The following ZNF729 variants were observed in gnomAD, a reference collection of about 807,000 sequenced individuals.
ZNF729 encodes zinc finger protein 729.
ZNF729 carries 15 observed loss-of-function variants against 12.2 expected under a neutral mutation model. That is an observed-to-expected ratio of 1.23 (90% CI 0.82 to 1.89). The LOEUF is 1.89. Ranked by LOEUF, ZNF729 falls within the 40% of genes most tolerant of loss-of-function variation. The pLI is 0.00. For missense variants in ZNF729, 1,540 were observed against 1,456.7 expected, an observed-to-expected ratio of 1.06 and a Z score of -0.93; for synonymous variants, 492 against 476.3, an observed-to-expected ratio of 1.03 and a Z score of -0.43.
chr19:22,314,626 C>A lies in ZNF729; in HGVS notation c.1209C>A (p.Pro403=), dbSNP rs1317477809. 4 of 1,611,542 alleles carry A rather than the reference C, an allele frequency of 2.5e-6. No individual in the cohort carries two copies. The African/African-American group carries it at 4.0e-5, about 16-fold the overall frequency. Residue 403 remains proline, a synonymous_variant, in exon 4 of 4, where the codon CCC becomes CCA. Transcript: ENST00000601693. ...VHKVVHTGEK[P]YKCEECGKAF... ...AGGTAGTTCATACTGGAGAGAAACC[C>A]TACAAATGTGAAGAATGTGGCAAAG...
At chr19:22,310,870 C>T (rs1043069108) in intron 3 of ZNF729, among the ~76,000 whole-genome samples, 7 of 152,060 alleles carry the variant, frequency 4.6e-5, no homozygotes, top group African/African-American at 1.7e-4. Context: ...AGTCTCGCTG[C>T]TTGTTATTGG....
chr19:22,287,931 C>T (rs113577877), intron 1 of ZNF729, among the ~76,000 whole-genome samples: 3,299 of 151,586 alleles, frequency 0.022, 106 homozygotes, highest in African/African-American at 0.076. Flanking sequence ...CCACAACCTC[C>T]GCCTTCCGGG....
intron 3 of ZNF729, among the ~76,000 whole-genome samples, chr19:22,306,006 G>T (rs1968373234): frequency 6.6e-6 from 1 of 151,892 alleles, no homozygotes; most frequent in African/African-American, 2.4e-5. Flanking sequence ...TTTAGAGACA[G>T]GGTTTTGCCT....
At position 22,316,884 on chromosome 19, in the gene ZNF729, T is replaced by G. The variant is rs765741072; in HGVS notation, c.3467T>G (p.Val1156Gly). 55 of 1,609,584 alleles carry G rather than the reference T, an allele frequency of 3.4e-5. No individual in the cohort carries two copies. Among genetic ancestry groups the G allele is most frequent in the Non-Finnish European group, 4.6e-5 (54 of 1,179,072 alleles). The change falls in exon 4 of 4, where the codon GTA becomes GGA. Residue 1156 changes from valine to glycine, a missense_variant. Physicochemically the swap from Val to Gly is moderately radical, Grantham distance 109. Coordinates refer to ENST00000601693, the MANE Select transcript of ZNF729 (RefSeq NM_001242680.2). ...ILTKHKIIHSVEKPYKCEECG... is the reference protein window; with the variant it reads ...ILTKHKIIHSGEKPYKCEECG... Reference sequence around the variant, plus strand: ...ACTAAACATAAGATAATTCATTCTGTAGAGAAACCCTACAAATGTGAAGAA... The same window carrying G: ...ACTAAACATAAGATAATTCATTCTGGAGAGAAACCCTACAAATGTGAAGAA...
At chr19:22,297,299 T>C (rs199626659) in intron 1 of ZNF729, among the ~76,000 whole-genome samples, 3,308 of 146,972 alleles carry the variant, frequency 0.023, 109 homozygotes, top group African/African-American at 0.077. Context: ...TTTTTTTTTT[T>C]CCCATAAGCA....
At chr19:22,302,267 T>C (rs916415479) in intron 1 of ZNF729, among the ~76,000 whole-genome samples, 35 of 152,402 alleles carry the variant, frequency 2.3e-4, no homozygotes, top group African/African-American at 6.0e-4. Flanking sequence ...ATTAAAAAAA[T>C]AGATGAGGGA....
At chr19:22,306,437 CAAA>C (rs199851275) in intron 3 of ZNF729, among the ~76,000 whole-genome samples, 1 of 114,046 alleles carries the variant, frequency 8.8e-6, no homozygotes. Flanking sequence ...GACTCCATCT[CAAA>C]AAAAAAAAAA....
intron 1 of ZNF729, among the ~76,000 whole-genome samples, chr19:22,286,973 T>C (rs117981838): frequency 0.045 from 6,923 of 152,316 alleles, 197 homozygotes; most frequent in Admixed American, 0.082. Flanking sequence ...ACCACTAAAG[T>C]AATAAATAAT....
chr19:22,287,427 G>C (rs1368805348), intron 1 of ZNF729, among the ~76,000 whole-genome samples: 1 of 151,150 alleles, frequency 6.6e-6, no homozygotes, highest in Non-Finnish European at 1.5e-5. Context: ...CCACCACGCC[G>C]GGCTAATTTT....
rs1234992629 is a variant in ZNF729, at chr19:22,314,580, C to T, written c.1163C>T (p.Ser388Phe). Residue 388 changes from serine to phenylalanine, a missense_variant, in exon 4 of 4, where the codon TCT (serine) becomes TTT (phenylalanine). Transcript: ENST00000601693. ...CEECGKAFKW[S>F]SKLTVHKVVH... ...GAATGTGGTAAAGCTTTTAAGTGGT[C>T]TTCAAAACTTACTGTACATAAGGTA... 6.2e-7 allele frequency: 1 copy of T among 1,610,386 alleles called. No individual in the cohort carries two copies. The highest frequency in any genetic ancestry group is 8.5e-7 in the Non-Finnish European group (1 of 1,179,602).
chr19:22,310,851 T>TA (rs1336385274), intron 3 of ZNF729, among the ~76,000 whole-genome samples: 4 of 152,156 alleles, frequency 2.6e-5, no homozygotes, highest in African/African-American at 4.8e-5. Flanking sequence ...ATTTTAAAAT[T>TA]ACCATTTCAG....
At chr19:22,298,778 T>C (rs1968265632) in intron 1 of ZNF729, among the ~76,000 whole-genome samples, 1 of 152,188 alleles carries the variant, frequency 6.6e-6, no homozygotes, top group African/African-American at 2.4e-5. Flanking sequence ...CCTTCCAAAG[T>C]GCTGGGATTA....
intron 1 of ZNF729, among the ~76,000 whole-genome samples, chr19:22,298,020 A>G (rs536203988): frequency 6.6e-6 from 1 of 150,614 alleles, no homozygotes; most frequent in South Asian, 2.1e-4. Flanking sequence ...AAAAAAAAAA[A>G]AAAAAAACAC....
chr19:22,316,845 A>C lies in ZNF729; in HGVS notation c.3428A>C (p.Gln1143Pro), dbSNP rs752220804. 8 of 1,613,080 alleles carry C rather than the reference A, an allele frequency of 5.0e-6. No individual in the cohort carries two copies. The highest frequency in any genetic ancestry group is 1.3e-5 in the African/African-American group (1 of 75,036). The change falls in exon 4 of 4, where the codon CAG becomes CCG. Residue 1143 changes from glutamine to proline, a missense_variant. Coordinates refer to ENST00000601693, the MANE Select transcript of ZNF729 (RefSeq NM_001242680.2). ...GAAGAATGTGGCAAAGCCTTTAGTC[A>C]GTCCTCAATCCTTACTAAACATAAG... ...KCEECGKAFS[Q>P]SSILTKHKII...
At chr19:22,304,323 G>T (rs1255908167) in intron 2 of ZNF729, among the ~76,000 whole-genome samples, 1 of 152,150 alleles carries the variant, frequency 6.6e-6, no homozygotes, top group Non-Finnish European at 1.5e-5. Context: ...ACAGGCGTGA[G>T]CCACCGTGCC....
chr19:22,303,659 C>A, intron 1 of ZNF729, 99 bp from the exon 2 acceptor site: 1 of 1,181,578 alleles, frequency 8.5e-7, no homozygotes. Context: ...AAGTTAGAAT[C>A]TGTTCTCTTT....
At chr19:22,305,666 A>G (rs1390743713) in intron 3 of ZNF729, among the ~76,000 whole-genome samples, 1 of 152,148 alleles carries the variant, frequency 6.6e-6, no homozygotes, top group African/African-American at 2.4e-5. Flanking sequence ...TGTGGCTACT[A>G]TTTGCATGAA....
rs552685167 is a variant in ZNF729 at position 22,300,420 on chromosome 19, T to G, written c.31-3338T>G. On this transcript the variant is annotated intron_variant, in intron 1 of 3. Coordinates refer to ENST00000601693, the MANE Select transcript of ZNF729 (RefSeq NM_001242680.2). Reference sequence around the variant, plus strand: ...TTCTATTGTGGAGTTTCTCTGGGGCTGAAGAAAATTTATCTTTTAATTATG... The same window carrying G: ...TTCTATTGTGGAGTTTCTCTGGGGCGGAAGAAAATTTATCTTTTAATTATG... Among the ~76,000 whole-genome samples, 3 of 152,326 alleles carry G rather than the reference T, an allele frequency of 2.0e-5. No homozygotes were observed. The South Asian group carries it at 6.2e-4, about 32-fold the overall frequency.
chr19:22,287,726 G>A (rs1968099493), intron 1 of ZNF729, among the ~76,000 whole-genome samples: 1 of 148,376 alleles, frequency 6.7e-6, no homozygotes, highest in South Asian at 2.1e-4. Flanking sequence ...AGTATTATGT[G>A]TACTCCCAAA....
Sources: allele counts gnomAD v4.1 joint callset (sites outside exome capture counted in the v4.1 genomes callset), GRCh38; gene constraint gnomAD v4.1.1; transcripts MANE v1.5; gene names NCBI Gene and HGNC (gene_info 2026-07-23, HGNC 2026-07-21).